Variants in SEMA3D observed in about 807,000 individuals in gnomAD.
The protein encoded by SEMA3D is semaphorin-3D.
SEMA3D carries 84 observed loss-of-function variants against 100.1 expected under a neutral mutation model. That is an observed-to-expected ratio of 0.84 (90% CI 0.70 to 1.01). The LOEUF (loss-of-function observed/expected upper bound fraction) is 1.01. Among genes scored for constraint, SEMA3D ranks in the 50% least tolerant of loss-of-function variants. The pLI, the probability that SEMA3D is intolerant of heterozygous loss-of-function variation, is 0.00. For synonymous variants in SEMA3D, 312 were observed against 320.7 expected, an observed-to-expected ratio of 0.97 and a Z score of 0.29; for missense variants, 875 against 934.1, an observed-to-expected ratio of 0.94 and a Z score of 0.82.
chr7:85,245,026 A>G, the SEMA3D span, among the ~76,000 whole-genome samples: 1 of 152,134 alleles, frequency 6.6e-6, no homozygotes, highest in Non-Finnish European at 1.5e-5. Flanking sequence ...CTATTTTGTT[A>G]CTGAAGTGAA....
the SEMA3D span, among the ~76,000 whole-genome samples, chr7:85,198,670 T>G: frequency 3.3e-5 from 5 of 152,002 alleles, no homozygotes; most frequent in African/African-American, 1.2e-4. Flanking sequence ...TTATTACCAC[T>G]TGTAATTTAT....
At chr7:85,018,948 C>T (rs928222581) in intron 14 of SEMA3D, among the ~76,000 whole-genome samples, 1 of 151,622 alleles carries the variant, frequency 6.6e-6, no homozygotes, top group African/African-American at 2.4e-5. Flanking sequence ...ACTATTTATT[C>T]ATTTAGCACC....
At chr7:85,132,461 T>C (rs180914262) in intron 2 of SEMA3D, among the ~76,000 whole-genome samples, 1 of 152,038 alleles carries the variant, frequency 6.6e-6, no homozygotes, top group Non-Finnish European at 1.5e-5. Flanking sequence ...AATTACTATA[T>C]TTGTAGCATA....
At chr7:85,050,072 AACACACACAC>A (rs55849524) in intron 9 of SEMA3D, among the ~76,000 whole-genome samples, 1,466 of 136,996 alleles carry the variant, frequency 0.011, 13 homozygotes, top group South Asian at 0.025. Context: ...CTTGAAGGGA[AACACACACAC>A]ACACACACAC....
At chr7:85,185,056 C>T (rs1791502942) in intron 1 of SEMA3D, among the ~76,000 whole-genome samples, 2 of 151,040 alleles carry the variant, frequency 1.3e-5, no homozygotes, top group Non-Finnish European at 1.5e-5. Flanking sequence ...TATCTGGCCT[C>T]AGAGAAGAAG....
At chr7:85,249,668 A>G in the SEMA3D span, among the ~76,000 whole-genome samples, 7 of 152,202 alleles carry the variant, frequency 4.6e-5, no homozygotes, top group Non-Finnish European at 8.8e-5. Context: ...ATATTAGTGA[A>G]CACGTGTTAT....
chr7:85,174,050 G>T (rs1791158449), intron 1 of SEMA3D, among the ~76,000 whole-genome samples: 1 of 152,040 alleles, frequency 6.6e-6, no homozygotes, highest in Non-Finnish European at 1.5e-5. Context: ...GAAATAGCTG[G>T]GACCCAAGAA....
intron 9 of SEMA3D, among the ~76,000 whole-genome samples, chr7:85,053,903 T>C (rs964883287): frequency 6.6e-6 from 1 of 151,896 alleles, no homozygotes; most frequent in Non-Finnish European, 1.5e-5. Context: ...AGAATCTTGC[T>C]GTGTGGCCTC....
chr7:85,006,611 A>T (rs998461861), intron 18 of SEMA3D, among the ~76,000 whole-genome samples, 191 bp downstream of exon 18: 8 of 152,100 alleles, frequency 5.3e-5, no homozygotes, highest in Middle Eastern at 3.4e-3. Flanking sequence ...AATATATTTT[A>T]CGAATACATT....
At chr7:85,073,171 T>A (rs1218166352) in intron 5 of SEMA3D, 90 bp from the exon 6 acceptor site, 3 of 1,156,912 alleles carry the variant, frequency 2.6e-6, no homozygotes, top group Non-Finnish European at 2.5e-6. Context: ...AGTAGATCAA[T>A]CTTCAAAAAT....
chr7:85,064,359 T>G (rs896462737), intron 8 of SEMA3D, among the ~76,000 whole-genome samples: 1 of 152,250 alleles, frequency 6.6e-6, no homozygotes. Context: ...TGTTAAGAAA[T>G]TAATGGGTAA....
chr7:85,226,035 G>A, the SEMA3D span, among the ~76,000 whole-genome samples: 3 of 151,926 alleles, frequency 2.0e-5, no homozygotes, highest in Non-Finnish European at 2.9e-5. Context: ...CCATCATTAA[G>A]CTATCAAAAT....
the SEMA3D span, among the ~76,000 whole-genome samples, chr7:85,195,313 C>T: frequency 6.6e-6 from 1 of 152,160 alleles, no homozygotes; most frequent in African/African-American, 2.4e-5. Context: ...CACAGTTGTA[C>T]CCCATAAATA....
chr7:85,109,265 A>G (rs1270793013), intron 3 of SEMA3D, among the ~76,000 whole-genome samples: 1 of 151,992 alleles, frequency 6.6e-6, no homozygotes, highest in East Asian at 1.9e-4. Flanking sequence ...TGGTACATAG[A>G]CTGTTCATGT....
At chr7:85,202,457 A>T in the SEMA3D span, among the ~76,000 whole-genome samples, 1 of 151,942 alleles carries the variant, frequency 6.6e-6, no homozygotes, top group Admixed American at 6.6e-5. Context: ...CCAGTCTATC[A>T]TTGTTGGACA....
chr7:85,127,266 A>T (rs1462329735), intron 2 of SEMA3D, among the ~76,000 whole-genome samples: 1 of 152,156 alleles, frequency 6.6e-6, no homozygotes, highest in Non-Finnish European at 1.5e-5. Context: ...AAATTACAGT[A>T]CCTACATTTT....
chr7:85,033,103 T>G (rs1404080086), intron 12 of SEMA3D, among the ~76,000 whole-genome samples: 1 of 152,100 alleles, frequency 6.6e-6, no homozygotes, highest in Non-Finnish European at 1.5e-5. Flanking sequence ...GCTTTTGTTT[T>G]CCCAAGTTGT....
At chr7:85,231,978 T>G in the SEMA3D span, among the ~76,000 whole-genome samples, 1 of 152,156 alleles carries the variant, frequency 6.6e-6, no homozygotes, top group South Asian at 2.1e-4. Context: ...ATAAAGTTTA[T>G]GCAAAAATTG....
chr7:85,156,470 C>T (rs1209971400), intron 1 of SEMA3D, among the ~76,000 whole-genome samples: 2 of 152,092 alleles, frequency 1.3e-5, no homozygotes, highest in Non-Finnish European at 2.9e-5. Flanking sequence ...GAGCTTGATT[C>T]TTCCAACTTA....
Sources: allele counts gnomAD v4.1 joint callset (sites outside exome capture counted in the v4.1 genomes callset), GRCh38; gene constraint gnomAD v4.1.1; transcripts MANE v1.5; gene names NCBI Gene and HGNC (gene_info 2026-07-23, HGNC 2026-07-21).